ANK2: variants seen among roughly 807,000 people sequenced by gnomAD.
ANK2 encodes ankyrin-2.
ANK2 carries 83 observed loss-of-function variants against 360.5 expected under a neutral mutation model. The ratio of observed to expected loss-of-function variants is 0.23; its 90% CI spans 0.19 to 0.28. The LOEUF (loss-of-function observed/expected upper bound fraction) is 0.28, where lower values mean the gene tolerates loss of function less well. Among genes scored for constraint, ANK2 ranks in the 10% least tolerant of loss-of-function variants. ANK2 has a pLI of 1.00. For missense variants in ANK2, 4,201 were observed against 4,795.7 expected (o/e 0.88, Z 3.66); for synonymous variants, 1,740 against 1,759.5 (o/e 0.99, Z 0.28).
chr4:113,046,708 G>A (rs926281613), upstream of ANK2, among the ~76,000 whole-genome samples: 22 of 152,088 alleles, frequency 1.4e-4, no homozygotes, highest in East Asian at 1.2e-3. Context: ...AAATTACCTC[G>A]TCTCAGGTAT....
intron 4 of ANK2, among the ~76,000 whole-genome samples, chr4:113,228,413 C>G (rs908909990): frequency 2.0e-5 from 3 of 152,250 alleles, no homozygotes; most frequent in Admixed American, 1.3e-4. Context: ...CTTAGCTCCC[C>G]CTAAGAGTGA....
chr4:113,292,403 C>T lies in ANK2; in HGVS notation c.2278-13C>T, dbSNP rs1563483734. ...CAATCGGGTGCTGGGCCCGCCACCA[C>T]TGTCCTCCACAGAACGGCTACACGC... On this transcript the variant is annotated splice_polypyrimidine_tract_variant and intron_variant, in intron 20 of 45. Transcript: ENST00000357077. 5.0e-6 allele frequency: 8 copies of T among 1,606,264 alleles called. No individual in the cohort carries two copies. In the East Asian group the frequency reaches 1.6e-4, roughly 32 times the overall value.
At chr4:112,851,154 A>T (rs2064893760) in intron 1 of ANK2, among the ~76,000 whole-genome samples, 3 of 152,206 alleles carry the variant, frequency 2.0e-5, no homozygotes, top group Admixed American at 2.0e-4. Flanking sequence ...AACGTGGCTT[A>T]TAGTTGTGGA....
At position 113,282,675 on chromosome 4, in the gene ANK2, A is replaced by C. The variant is rs1225395730; in HGVS notation, c.1882A>C (p.Asn628His). The change falls in exon 18 of 46, where the codon AAT becomes CAT. Residue 628 changes from asparagine to histidine, a missense_variant and splice_region_variant. Transcript: ENST00000357077. ...KGASPHATAK[N>H]GYTPLHIAAK... ...TGTGTTTTATTTTTGTTCTTTTTAG[A>C]ATGGCTATACTCCGTTACATATTGC... 1.2e-6 allele frequency: 2 copies of C among 1,610,218 alleles called. No homozygotes were observed. The highest frequency in any genetic ancestry group is 2.2e-5 in the South Asian group (2 of 90,550).
chr4:113,316,137 T>C (rs2082852235), intron 24 of ANK2, among the ~76,000 whole-genome samples: 1 of 152,200 alleles, frequency 6.6e-6, no homozygotes, highest in African/African-American at 2.4e-5. Flanking sequence ...GCTAAAACTC[T>C]TGTTGATGAA....
At chr4:112,916,750 A>G (rs1334571788) in intron 2 of ANK2, among the ~76,000 whole-genome samples, 1 of 152,248 alleles carries the variant, frequency 6.6e-6, no homozygotes, top group Non-Finnish European at 1.5e-5. Context: ...AGATAAATGA[A>G]TAGGTGAGAA....
chr4:113,117,426 G>A, intron 1 of ANK2: 1 of 456,144 alleles, frequency 2.2e-6, no homozygotes, highest in South Asian at 1.5e-5. Context: ...AAGGTATGAG[G>A]AGCATCCTTT....
chr4:112,827,098 A>C (rs774447384), intron 1 of ANK2: 17 of 1,115,952 alleles, frequency 1.5e-5, no homozygotes, highest in Non-Finnish European at 2.2e-5. Context: ...AAAATTATGA[A>C]GCCTTCTAGA....
chr4:112,859,311 C>A (rs2067250431), intron 1 of ANK2, among the ~76,000 whole-genome samples: 1 of 152,184 alleles, frequency 6.6e-6, no homozygotes, highest in East Asian at 1.9e-4. Flanking sequence ...TCCTTAGTTG[C>A]ACTTTCTCAA....
At chr4:112,997,405 T>C (rs1165052636) in intron 2 of ANK2, among the ~76,000 whole-genome samples, 1 of 152,146 alleles carries the variant, frequency 6.6e-6, no homozygotes, top group Non-Finnish European at 1.5e-5. Flanking sequence ...TATTCCCATC[T>C]GCTCCTCCTC....
At chr4:112,766,868 T>A in the ANK2 span, among the ~76,000 whole-genome samples, 3,080 of 152,238 alleles carry the variant, frequency 0.02, 108 homozygotes, top group African/African-American at 0.07. Flanking sequence ...GATGCCTTTA[T>A]CAGAAGAGGG....
intron 2 of ANK2, among the ~76,000 whole-genome samples, chr4:113,015,683 AT>A (rs1375802238): frequency 6.6e-6 from 1 of 152,224 alleles, no homozygotes; most frequent in Non-Finnish European, 1.5e-5. Flanking sequence ...ATATGGTGCC[AT>A]TTCACAAGGT....
the ANK2 span, among the ~76,000 whole-genome samples, chr4:112,706,237 GA>G: frequency 1.3e-5 from 2 of 152,106 alleles, no homozygotes; most frequent in Admixed American, 6.5e-5. Flanking sequence ...CAAAGTGCGG[GA>G]GGGGCGCCGG....
intron 2 of ANK2, among the ~76,000 whole-genome samples, chr4:112,960,747 C>G (rs1016054509): frequency 6.6e-6 from 1 of 152,030 alleles, no homozygotes; most frequent in African/African-American, 2.4e-5. Context: ...TCAACTACAG[C>G]GTTTTCATAG....
chr4:113,194,373 A>G (rs914943683), intron 2 of ANK2, among the ~76,000 whole-genome samples: 9 of 152,162 alleles, frequency 5.9e-5, no homozygotes, highest in African/African-American at 1.7e-4. Flanking sequence ...TTTATTGGCT[A>G]TCTGTTCTAC....
intron 1 of ANK2, among the ~76,000 whole-genome samples, chr4:113,053,855 A>G (rs1436164576): frequency 1.3e-5 from 2 of 152,182 alleles, no homozygotes; most frequent in Non-Finnish European, 1.5e-5. Context: ...TCATCCTCTC[A>G]AAATGCTGGC....
At chr4:113,036,134 A>G (rs946239591) in intron 2 of ANK2, among the ~76,000 whole-genome samples, 4 of 151,912 alleles carry the variant, frequency 2.6e-5, no homozygotes, top group Non-Finnish European at 2.9e-5. Context: ...GAAGACAGCT[A>G]CATTACATTT....
chr4:113,076,771 G>A (rs2080188839), intron 1 of ANK2, among the ~76,000 whole-genome samples: 1 of 150,546 alleles, frequency 6.6e-6, no homozygotes, highest in Admixed American at 6.7e-5. Context: ...ACTCCAGCCA[G>A]GGCAACAGAG....
the ANK2 span, among the ~76,000 whole-genome samples, chr4:112,751,250 T>A: frequency 1.3e-5 from 2 of 152,270 alleles, no homozygotes; most frequent in African/African-American, 4.8e-5. Context: ...GGAAAACTGC[T>A]AGCATTTACA....
Sources: gnomAD v4.1 joint callset for allele counts (sites outside exome capture counted in the v4.1 genomes callset) on GRCh38, gnomAD v4.1.1 for gene constraint, MANE v1.5 for transcripts, NCBI Gene and HGNC (gene_info 2026-07-23, HGNC 2026-07-21) for gene names.